The following GPM6B variants were observed in gnomAD, a reference collection of about 807,000 sequenced individuals.
GPM6B encodes the protein neuronal membrane glycoprotein M6-b.
GPM6B carries 4 observed loss-of-function variants against 27.2 expected under a neutral mutation model. The ratio of observed to expected loss-of-function variants is 0.15; its 90% confidence interval spans 0.07 to 0.34. The LOEUF (loss-of-function observed/expected upper bound fraction) is 0.34, where lower values mean the gene tolerates loss of function less well. GPM6B is among the 10% of genes least tolerant of loss of function. The pLI is 1.00. For missense variants in GPM6B, 183 were observed against 261.9 expected, an observed-to-expected ratio of 0.70 and a Z score of 2.08; for synonymous variants, 124 against 103.1, an observed-to-expected ratio of 1.20 and a Z score of -1.23.
chrX:13,926,185 C>T (rs1453952570), intron 1 of GPM6B, among the ~76,000 whole-genome samples: 2 of 108,591 alleles, frequency 1.8e-5, no homozygotes, highest in Admixed American at 1.0e-4. Context: ...AGGCAGAGCA[C>T]GAGGTCAGGA....
intron 1 of GPM6B, among the ~76,000 whole-genome samples, chrX:13,904,460 T>TC (rs1001490112): frequency 4.5e-5 from 5 of 111,608 alleles, no homozygotes; most frequent in African/African-American, 1.6e-4. Flanking sequence ...CTGAGTTCTA[T>TC]CCCCCACAGT....
chrX:13,807,827 C>T (rs1185964384), intron 1 of GPM6B, 58 bp from the exon 2 acceptor site: 4 of 1,064,564 alleles, frequency 3.8e-6, no homozygotes, highest in Non-Finnish European at 3.8e-6. Flanking sequence ...GATTCTATAT[C>T]AGCATTTTTA....
At chrX:13,905,173 G>A (rs953109050) in intron 1 of GPM6B, among the ~76,000 whole-genome samples, 4 of 101,853 alleles carry the variant, frequency 3.9e-5, no homozygotes, top group East Asian at 3.1e-4. Flanking sequence ...CAAGACTGCC[G>A]TGAGCTGTGA....
chrX:13,838,902 C>T (rs1192255609), intron 1 of GPM6B, among the ~76,000 whole-genome samples: 1 of 111,624 alleles, frequency 9.0e-6, no homozygotes, highest in African/African-American at 3.3e-5. Context: ...AACCTATTGA[C>T]TGGACCCCTC....
Position 13,816,762 on chromosome X carries a change from A to C in GPM6B, c.61+82T>G, listed in dbSNP as rs1407499498. The stretch of plus-strand genomic sequence containing the variant: ...GGGATTGTCTCAGAGCCATTTTAAA[A>C]GAGAGACAAAACCCAGCTAACCCTT... On this transcript the variant is annotated intron_variant, in intron 1 of 7. Transcript: ENST00000316715. 3.7e-6 allele frequency: 4 copies of C among 1,085,841 alleles called. No individual in the cohort carries two copies. The African/African-American group carries it at 5.5e-5, about 15-fold the overall frequency. 89.5% of individuals were successfully genotyped at this position (1,085,841 alleles called of 1,213,427 possible). A position where few individuals can be genotyped will look rare whatever the true frequency, so the allele number is the denominator to read the frequency against.
At chrX:13,820,014 G>A (rs998600713), upstream of GPM6B, among the ~76,000 whole-genome samples, 1 of 111,791 alleles carries the variant, frequency 8.9e-6, no homozygotes, top group Non-Finnish European at 1.9e-5. Flanking sequence ...TTCTGACAGA[G>A]GGACTGAAGG....
intron 1 of GPM6B, among the ~76,000 whole-genome samples, chrX:13,869,359 G>GT (rs199826065): frequency 1.8e-3 from 185 of 101,165 alleles, no homozygotes; most frequent in Middle Eastern, 5.3e-3. Flanking sequence ...GATATAGGTT[G>GT]TTTTTTTTTT....
At chrX:13,797,436 C>T (rs1169389718) in intron 2 of GPM6B, among the ~76,000 whole-genome samples, 1 of 111,129 alleles carries the variant, frequency 9.0e-6, no homozygotes, top group African/African-American at 3.3e-5. Context: ...ATGAAAAGCA[C>T]AAAGGAAGGA....
At chrX:13,778,108 G>C (rs2048448571) in intron 5 of GPM6B, among the ~76,000 whole-genome samples, 1 of 104,128 alleles carries the variant, frequency 9.6e-6, no homozygotes, top group Non-Finnish European at 1.9e-5. Context: ...GGAGTGGAGT[G>C]CTGCAATATT....
chrX:13,828,559 C>T (rs915955952), intron 1 of GPM6B, among the ~76,000 whole-genome samples: 4 of 111,908 alleles, frequency 3.6e-5, no homozygotes, highest in African/African-American at 9.8e-5. Context: ...ATGACTAATA[C>T]GCAAAGTCAT....
Position 13,810,897 on chromosome X carries a change from T to C in GPM6B, c.62-3128A>G, listed in dbSNP as rs192902230. Among the ~76,000 whole-genome samples, 12 of 111,853 alleles carry C rather than the reference T, an allele frequency of 1.1e-4. No homozygotes were observed. In the East Asian group the frequency reaches 3.3e-3, roughly 31 times the overall value. On this transcript the variant is annotated intron_variant, in intron 1 of 7. Coordinates refer to ENST00000316715, the MANE Select transcript of GPM6B (RefSeq NM_001001995.3). ...AGATATGAAAGAAAAGAAAAATCAC[T>C]TCTATTTTATATTTTTGAGCCAAAT... is the stretch of plus-strand genomic sequence containing the variant.
intron 4 of GPM6B, among the ~76,000 whole-genome samples, chrX:13,781,976 T>G (rs1482725339): frequency 8.9e-6 from 1 of 111,843 alleles, no homozygotes; most frequent in Non-Finnish European, 1.9e-5. Context: ...AGCGGGCAGA[T>G]CTCATCCACC....
intron 1 of GPM6B, among the ~76,000 whole-genome samples, chrX:13,814,383 ACT>A (rs1046006374): frequency 2.7e-5 from 3 of 111,852 alleles, no homozygotes; most frequent in Non-Finnish European, 5.6e-5. Context: ...TGCATAAAAA[ACT>A]CTGCGTAAAG....
intron 1 of GPM6B, among the ~76,000 whole-genome samples, chrX:13,851,679 T>A (rs2147242009): frequency 9.2e-6 from 1 of 108,384 alleles, no homozygotes; most frequent in East Asian, 2.9e-4. Context: ...AATGATCCCA[T>A]CTTGCACAGT....
chrX:13,897,762 GCTCGAACAC>G (rs2050246572), intron 1 of GPM6B, among the ~76,000 whole-genome samples: 1 of 111,454 alleles, frequency 9.0e-6, no homozygotes, highest in Non-Finnish European at 1.9e-5. Flanking sequence ...AGATGGGCTC[GCTCGAACAC>G]CACTCCAATA....
rs186022043 is a variant in GPM6B, at chrX:13,866,562, G to A, written c.-198+71765C>T. Among the ~76,000 whole-genome samples, 408 of 111,918 alleles carry A rather than the reference G, an allele frequency of 3.6e-3. 4 individuals are homozygous for A. Among genetic ancestry groups the A allele is most frequent in the Middle Eastern group, 0.023 (5 of 216 alleles). ...ATGGATATACCAATTACCCTGATTT[G>A]ATCATTACACAATGCATTAATGTAC... On this transcript the variant is annotated intron_variant, in intron 1 of 6. Coordinates refer to the GPM6B transcript ENST00000398361.
At chrX:13,920,622 T>TGGCTCACGCCTGTA (rs1452730943) in intron 1 of GPM6B, among the ~76,000 whole-genome samples, 8 of 111,591 alleles carry the variant, frequency 7.2e-5, no homozygotes, top group African/African-American at 2.6e-4. Context: ...CCGGGTGCAG[T>TGGCTCACGCCTGTA]GGCTCACGCC....
At chrX:13,902,562 G>T (rs759520729) in intron 1 of GPM6B, among the ~76,000 whole-genome samples, 15 of 110,765 alleles carry the variant, frequency 1.4e-4, no homozygotes, top group Non-Finnish European at 2.8e-4. Flanking sequence ...CCAGGTCTCT[G>T]CTCCTCAGTC....
At chrX:13,921,292 T>C (rs1324544679) in intron 1 of GPM6B, among the ~76,000 whole-genome samples, 1 of 112,174 alleles carries the variant, frequency 8.9e-6, no homozygotes, top group Non-Finnish European at 1.9e-5. Context: ...CTGTCTAGAA[T>C]TTTTTGCCCT....
Sources: gnomAD v4.1 joint callset for allele counts (sites outside exome capture counted in the v4.1 genomes callset) on GRCh38, gnomAD v4.1.1 for gene constraint, MANE v1.5 for transcripts, NCBI Gene and HGNC (gene_info 2026-07-23, HGNC 2026-07-21) for gene names.